Variants in ERCC2 observed in about 807,000 individuals in gnomAD.
The protein encoded by ERCC2 is general transcription and DNA repair factor IIH helicase subunit XPD.
ERCC2 carries 90 observed loss-of-function variants against 99.4 expected under a neutral mutation model. The ratio of observed to expected loss-of-function variants is 0.91; its 90% CI spans 0.76 to 1.08. The LOEUF (loss-of-function observed/expected upper bound fraction) is 1.08. Among genes scored for constraint, ERCC2 ranks in the 50% least tolerant of loss-of-function variants. The probability of loss-of-function intolerance (pLI) is 0.00; values close to 1 mark genes in which losing one functional copy is unlikely to be tolerated. For missense variants in ERCC2, 993 were observed against 1,038.1 expected (o/e 0.96, Z 0.60); for synonymous variants, 497 against 432.4 (o/e 1.15, Z -1.85).
chr19:45,357,215 C>A, intron 15 of ERCC2, 55 bp downstream of exon 15: 1 of 1,282,194 alleles, frequency 7.8e-7, no homozygotes, highest in Non-Finnish European at 1.1e-6. Context: ...GGAAGGAGGG[C>A]GGCCCCTTGC....
chr19:45,363,537 G>T (rs1336829030), intron 11 of ERCC2, among the ~76,000 whole-genome samples: 1 of 152,200 alleles, frequency 6.6e-6, no homozygotes, highest in East Asian at 1.9e-4. Context: ...TGCCTGCCAG[G>T]CCCCTGCCCG....
chr19:45,364,108 G>C lies in ERCC2; in HGVS notation c.827C>G (p.Thr276Arg), dbSNP rs1316083066. 1 of 1,610,814 alleles carries C rather than the reference G, an allele frequency of 6.2e-7. No homozygotes were observed. The highest frequency in any genetic ancestry group is 1.3e-5 in the African/African-American group (1 of 75,048). The change falls in exon 10 of 23, where the codon ACA (threonine) becomes AGA (arginine). Residue 276 changes from threonine (T) to arginine (R), a missense_variant. Physicochemically the swap from Thr to Arg is moderately conservative, Grantham distance 71 (BLOSUM62 -1). Coordinates refer to ENST00000391945, the MANE Select transcript of ERCC2 (RefSeq NM_000400.4). ...LQKTVLRIKE[T>R]DEQRLRDEYR... ...CTCGTCCCGCAGGCGCTGCTCGTCTGTCTCTTTGATCCTGCGGAGAGATGA... is the reference window on the plus strand; with the variant it reads ...CTCGTCCCGCAGGCGCTGCTCGTCTCTCTCTTTGATCCTGCGGAGAGATGA...
chr19:45,362,173 C>G (rs2123278122), intron 11 of ERCC2, among the ~76,000 whole-genome samples: 1 of 152,302 alleles, frequency 6.6e-6, no homozygotes, highest in South Asian at 2.1e-4. Context: ...ATCCACCTGC[C>G]TCAGCCTCCC....
Position 45,363,923 on chromosome 19 carries a change from C to T in ERCC2, c.950-12G>A, listed in dbSNP as rs1972319643. The T allele has an allele frequency of 6.5e-7, 1 of 1,540,124 alleles. No individual in the cohort carries two copies. The highest frequency in any genetic ancestry group is 8.7e-7 in the Non-Finnish European group (1 of 1,149,404). On this transcript the variant is annotated splice_polypyrimidine_tract_variant and intron_variant, in intron 10 of 22. Coordinates refer to ENST00000391945, the MANE Select transcript of ERCC2 (RefSeq NM_000400.4). ...GCCAGGCACTGCCTCTGCGAGGAGA[C>T]GCTATCAGCGGCGACGGGGAGGCGG...
At chr19:45,352,988 G>A in intron 19 of ERCC2, 95 bp downstream of exon 19, 2 of 1,384,060 alleles carry the variant, frequency 1.4e-6, no homozygotes, top group Non-Finnish European at 2.0e-6. Flanking sequence ...TAGGCTGGGG[G>A]TGGGTGGTTC....
chr19:45,353,469 T>A (rs144870041), intron 17 of ERCC2, 135 bp from the exon 18 acceptor site: 1 of 693,414 alleles, frequency 1.4e-6, no homozygotes. Context: ...TGAGGGAGGG[T>A]GGAATTGTCC....
At position 45,361,547 on chromosome 19, in the gene ERCC2, G is replaced by A. The variant is rs752740153; in HGVS notation, c.1214C>T (p.Thr405Ile). 1.4e-5 allele frequency: 23 copies of A among 1,613,658 alleles called. No homozygotes were observed. The highest frequency in any genetic ancestry group is 1.9e-5 in the Non-Finnish European group (23 of 1,179,712). ...SPLTLLANFA[T>I]LVSTYAKGFT... ...ACCTTTGGCGTAGGTGCTGACAAGG[G>A]TGGCAAAGTTAGCAAGGAGGGTGAG... Residue 405 changes from threonine (T) to isoleucine (I), a missense_variant, in exon 12 of 23, where the codon ACC (threonine) becomes ATC (isoleucine). By Grantham distance (89) the Thr-to-Ile change is moderately conservative (BLOSUM62 -1). Transcript: ENST00000391945.
In ERCC2 at chr19:45,370,546, C is replaced by T. The variant is rs758118244; in HGVS notation, c.-6G>A. On this transcript the variant is annotated 5_prime_UTR_variant, in exon 1 of 23. Transcript: ENST00000391945. ...CAGCCCCCTTCTCACTTCATGGCGC[C>T]GGCCGGACTGTGCAGCGGGGTCGAC... 3 of 1,593,438 alleles carry T rather than the reference C, an allele frequency of 1.9e-6. No homozygotes were observed. The highest frequency in any genetic ancestry group is 2.6e-6 in the Non-Finnish European group (3 of 1,175,074).
intron 11 of ERCC2, 97 bp downstream of exon 11, chr19:45,363,646 G>A (rs1599742331): frequency 2.2e-6 from 3 of 1,334,700 alleles, no homozygotes; most frequent in Non-Finnish European, 3.0e-6. Context: ...CACTCCTGAT[G>A]CTGCAGTGGT....
rs148714671 is a variant in ERCC2 at position 45,359,633 on chromosome 19, T to C, written c.1237+1891A>G. ...CAAAACCCAGGCACCACGCTCCCCA[T>C]ATCCCAGCCTCTCTACCTCCCACAT... On this transcript the variant is annotated intron_variant, in intron 12 of 22. Transcript: ENST00000391945. Among the ~76,000 whole-genome samples, 161 of 152,192 alleles carry C rather than the reference T, an allele frequency of 1.1e-3. 1 individual carries two copies. In the East Asian group the frequency reaches 0.011, roughly 10 times the overall value.
At chr19:45,357,429 T>C (rs780718303) in intron 14 of ERCC2, 45 bp downstream of exon 14, 5 of 1,607,690 alleles carry the variant, frequency 3.1e-6, no homozygotes, top group African/African-American at 2.7e-5. Context: ...AGGAGGCCCA[T>C]GGAGGGAGGT....
At chr19:45,359,370 C>T (rs2123262539) in intron 12 of ERCC2, among the ~76,000 whole-genome samples, 1 of 152,316 alleles carries the variant, frequency 6.6e-6, no homozygotes, top group Admixed American at 6.5e-5. Context: ...GGCCTCGCTA[C>T]CCAGCCCCAG....
intron 11 of ERCC2, among the ~76,000 whole-genome samples, chr19:45,363,528 GC>G (rs1223324876): frequency 4.6e-5 from 7 of 152,198 alleles, no homozygotes; most frequent in African/African-American, 1.7e-4. Flanking sequence ...GCCAGGTGTT[GC>G]CTGCCAGGCC....
intron 5 of ERCC2, among the ~76,000 whole-genome samples, chr19:45,366,246 G>C (rs929517956): frequency 2.0e-5 from 3 of 151,222 alleles, no homozygotes; most frequent in African/African-American, 7.3e-5. Context: ...AGGTTCAAGC[G>C]ATTCTCCTGT....
intron 7 of ERCC2, 108 bp from the exon 8 acceptor site, chr19:45,364,655 C>T (rs2123293634): frequency 1.3e-6 from 2 of 1,520,686 alleles, no homozygotes; most frequent in South Asian, 2.3e-5. Context: ...CAGGCAGACA[C>T]AGGCCAGGCA....
chr19:45,363,916 G>A lies in ERCC2; in HGVS notation c.950-5C>T, dbSNP rs1349701687. The A allele has an allele frequency of 2.6e-6, 4 of 1,542,498 alleles. No homozygotes were observed. The South Asian group carries it at 3.5e-5, about 14-fold the overall frequency. ...GGATGGAGCCAGGCACTGCCTCTGC[G>A]AGGAGACGCTATCAGCGGCGACGGG... On this transcript the variant is annotated splice_region_variant and splice_polypyrimidine_tract_variant and intron_variant, in intron 10 of 22. Coordinates refer to ENST00000391945, the MANE Select transcript of ERCC2 (RefSeq NM_000400.4).
At chr19:45,352,938 G>T in intron 19 of ERCC2, 122 bp from the exon 20 acceptor site, 1 of 1,227,004 alleles carries the variant, frequency 8.1e-7, no homozygotes, top group Non-Finnish European at 1.2e-6. Flanking sequence ...CCCGCCGGGT[G>T]CCTAGGGACA....
In ERCC2 at chr19:45,353,236, A is replaced by T; in HGVS notation, c.1758+6T>A. 6.2e-7 allele frequency: 1 copy of T among 1,613,442 alleles called. No homozygotes were observed. The highest frequency in any genetic ancestry group is 8.5e-7 in the Non-Finnish European group (1 of 1,179,658). On this transcript the variant is annotated splice_donor_region_variant and intron_variant, in intron 18 of 22. Coordinates refer to ENST00000391945, the MANE Select transcript of ERCC2 (RefSeq NM_000400.4). ...ACCCCTCTCCACGCTGGCCTCGCAC[A>T]CCCACCTCCTGGTACTTCTCCAGGG...
At chr19:45,368,514 T>C (rs903241848) in intron 5 of ERCC2, 116 bp downstream of exon 5, 5 of 747,404 alleles carry the variant, frequency 6.7e-6, no homozygotes, top group Non-Finnish European at 1.2e-5. Context: ...GAATTCTGTG[T>C]GTAGCCACTG....
Sources: gnomAD v4.1 joint callset for allele counts (sites outside exome capture counted in the v4.1 genomes callset) on GRCh38, gnomAD v4.1.1 for gene constraint, MANE v1.5 for transcripts, NCBI Gene and HGNC (gene_info 2026-07-23, HGNC 2026-07-21) for gene names.